The following TRPC1 variants were observed in gnomAD, a reference collection of about 807,000 sequenced individuals.
TRPC1 encodes short transient receptor potential channel 1.
TRPC1 carries 42 observed loss-of-function variants against 88.2 expected under a neutral mutation model. That is an observed-to-expected ratio of 0.48 (90% CI 0.37 to 0.62). The LOEUF is 0.62. Ranked by LOEUF, TRPC1 falls within the 20% of genes least tolerant of loss-of-function variation. TRPC1 has a pLI of 0.00. For synonymous variants in TRPC1, 288 were observed against 331.8 expected (o/e 0.87, Z 1.43); for missense variants, 699 against 957.3 (o/e 0.73, Z 3.56).
chr3:142,789,946 CAATT>C (rs1936246271), intron 7 of TRPC1, among the ~76,000 whole-genome samples: 2 of 152,142 alleles, frequency 1.3e-5, no homozygotes, highest in South Asian at 2.1e-4. Flanking sequence ...GAAAGATAAT[CAATT>C]AATAATAGAC....
chr3:142,767,088 T>C lies in TRPC1; in HGVS notation c.633-10544T>C, dbSNP rs2108087501. Among the ~76,000 whole-genome samples the C allele has an allele frequency of 6.6e-6, 1 of 152,320 alleles. No homozygotes were observed. Among genetic ancestry groups the C allele is most frequent in the Non-Finnish European group, 1.5e-5 (1 of 68,022 alleles). On this transcript the variant is annotated intron_variant, in intron 4 of 12. Coordinates refer to ENST00000476941, the MANE Select transcript of TRPC1 (RefSeq NM_001251845.2). The surrounding 1 kb of genome is among the most constrained non-coding windows in gnomAD (Gnocchi z 5.1). The stretch of plus-strand genomic sequence containing the variant: ...AATTATCCAACCATTGAACATGGTA[T>C]ATCTCTCCATTTAATAGGTTTCATT...
Position 142,802,319 on chromosome 3 carries a change from C to A in TRPC1, c.1732C>A (p.Gln578Lys). Residue 578 changes from glutamine to lysine, a missense_variant, in exon 10 of 13, where the codon CAG (glutamine) becomes AAG (lysine). By Grantham distance (53) the Gln-to-Lys change is moderately conservative. Transcript: ENST00000476941. ...QKDCVGIFCE[Q>K]QSNDTFHSFI... ...GGACTGTGTAGGCATCTTCTGTGAA[C>A]AGCAAAGCAATGATACCTTCCATTC... 6.7e-7 allele frequency: 1 copy of A among 1,481,540 alleles called. No individual in the cohort carries two copies. The highest frequency in any genetic ancestry group is 1.6e-5 in the South Asian group (1 of 63,952). 91.8% of individuals were successfully genotyped at this position (1,481,540 alleles called of 1,614,324 possible).
intron 9 of TRPC1, among the ~76,000 whole-genome samples, chr3:142,799,113 C>T (rs72990750): frequency 6.6e-6 from 1 of 152,040 alleles, no homozygotes; most frequent in Non-Finnish European, 1.5e-5. Context: ...ACATTAATAG[C>T]ATTTGGTGCT....
chr3:142,780,940 AGT>A lies in TRPC1; in HGVS notation c.873_874del (p.Ser291ArgfsTer5). On this transcript the variant is annotated frameshift_variant, in exon 6 of 13. Coordinates refer to ENST00000476941, the MANE Select transcript of TRPC1 (RefSeq NM_001251845.2). LOFTEE classifies it high-confidence loss of function. Reference sequence around the variant, plus strand: ...GGAAGTTATTCTAAACCATACGTCTAGTGACGAGCCTCTTGACAAACGGGGAT... The same window carrying A: ...GGAAGTTATTCTAAACCATACGTCTAGACGAGCCTCTTGACAAACGGGGAT... ...ELEVILNHTS[S>X]DEPLDKRGLL... 6.2e-7 allele frequency: 1 copy of A among 1,613,996 alleles called. No individual in the cohort carries two copies. Among genetic ancestry groups the A allele is most frequent in the Non-Finnish European group, 8.5e-7 (1 of 1,179,882 alleles).
rs541450466 is a variant in TRPC1 at position 142,743,628 on chromosome 3, A to G, written c.429+42A>G. 3.7e-5 allele frequency: 48 copies of G among 1,297,038 alleles called. No individual in the cohort carries two copies. In the Admixed American group the frequency reaches 5.1e-4, roughly 14 times the overall value. The allele number at this position is 1,297,038 out of a possible 1,614,324, so 80.3% of individuals were successfully genotyped here. ...ATTTATTAATTTGGATTTTTAAACC[A>G]AAATAGATCTCTTGCCCCATTGCCA... On this transcript the variant is annotated intron_variant, in intron 3 of 12. Transcript: ENST00000476941.
intron 2 of TRPC1, among the ~76,000 whole-genome samples, chr3:142,741,777 T>G (rs921615788): frequency 6.6e-6 from 1 of 152,232 alleles, no homozygotes; most frequent in Admixed American, 6.5e-5. Context: ...TTGCTGTTTT[T>G]AAATCCATGG....
intron 7 of TRPC1, among the ~76,000 whole-genome samples, chr3:142,787,059 C>T (rs1046619877): frequency 6.6e-6 from 1 of 152,138 alleles, no homozygotes; most frequent in Admixed American, 6.5e-5. Context: ...TGATATTACA[C>T]GTATATATAC....
Position 142,784,953 on chromosome 3 carries a change from T to C in TRPC1, c.1210T>C (p.Tyr404His). The change falls in exon 7 of 13, where the codon TAC (tyrosine) becomes CAC (histidine). Residue 404 changes from tyrosine (Y) to histidine (H), a missense_variant. Tyr to His is a moderately conservative substitution (Grantham distance 83, BLOSUM62 2). Coordinates refer to ENST00000476941, the MANE Select transcript of TRPC1 (RefSeq NM_001251845.2). ...CACATTTCTGCTGTTGCTTAATCTA[T>C]ACTCTCTTGTCTACAATGAGGATAA... is the stretch of plus-strand genomic sequence containing the variant. ...YFTFLLLLNL[Y>H]SLVYNEDKKN... The C allele has an allele frequency of 1.9e-6, 3 of 1,614,002 alleles. No homozygotes were observed. Among genetic ancestry groups the C allele is most frequent in the Non-Finnish European group, 2.5e-6 (3 of 1,179,984 alleles).
chr3:142,779,357 C>T (rs1013324778), intron 5 of TRPC1, among the ~76,000 whole-genome samples: 3 of 152,122 alleles, frequency 2.0e-5, no homozygotes, highest in African/African-American at 4.8e-5. Context: ...TATACAGCCA[C>T]TTATTTGTCT....
At chr3:142,801,171 T>C (rs1319693334) in intron 9 of TRPC1, 8 of 152,162 alleles carry the variant, frequency 5.3e-5, no homozygotes, top group Admixed American at 5.2e-4. Flanking sequence ...CTAGCACATG[T>C]AGATGTTCTT....
chr3:142,779,402 G>A (rs547760980), intron 5 of TRPC1, among the ~76,000 whole-genome samples: 5 of 152,234 alleles, frequency 3.3e-5, no homozygotes, highest in Admixed American at 6.5e-5. Flanking sequence ...AGATTAATAA[G>A]ATGTATAAAT....
At chr3:142,732,347 C>T (rs758244692) in intron 1 of TRPC1, among the ~76,000 whole-genome samples, 6 of 152,044 alleles carry the variant, frequency 3.9e-5, no homozygotes, top group Non-Finnish European at 7.4e-5. Context: ...TGAGTTTTCT[C>T]GGGCAGGCAT....
chr3:142,760,360 C>T (rs767999215), intron 4 of TRPC1, among the ~76,000 whole-genome samples: 9 of 152,130 alleles, frequency 5.9e-5, no homozygotes, highest in Non-Finnish European at 1.2e-4. Flanking sequence ...AAAATATGTT[C>T]TCGGCACCTT....
chr3:142,745,238 C>A (rs7622773), intron 3 of TRPC1, among the ~76,000 whole-genome samples: 4,418 of 152,284 alleles, frequency 0.029, 230 homozygotes, highest in African/African-American at 0.1. Flanking sequence ...TTTGGCACAC[C>A]TGTCCCATCT....
rs1011149491 is a variant in TRPC1 at position 142,736,320 on chromosome 3, C to T, written c.173-59C>T. Reference sequence around the variant, plus strand: ...ATTCAACAAGCTAAGTTTTTCTTTACAGTCATCCTTACTTGATATGTCACG... The same window carrying T: ...ATTCAACAAGCTAAGTTTTTCTTTATAGTCATCCTTACTTGATATGTCACG... On this transcript the variant is annotated intron_variant, in intron 1 of 12. Transcript: ENST00000476941. The T allele has an allele frequency of 5.3e-6, 7 of 1,316,618 alleles. No homozygotes were observed. The African/African-American group carries it at 6.0e-5, about 11-fold the overall frequency. The allele number at this position is 1,316,618 out of a possible 1,614,324, so 81.6% of individuals were successfully genotyped here. A position where few individuals can be genotyped will look rare whatever the true frequency, so the allele number is the denominator to read the frequency against.
In TRPC1 at chr3:142,803,961, G is replaced by C. The variant is rs1191718268; in HGVS notation, c.1758-16G>C. 4 of 1,609,714 alleles carry C rather than the reference G, an allele frequency of 2.5e-6. No homozygotes were observed. In the South Asian group the frequency reaches 4.4e-5, roughly 18 times the overall value. On this transcript the variant is annotated splice_polypyrimidine_tract_variant and intron_variant, in intron 10 of 12. Coordinates refer to ENST00000476941, the MANE Select transcript of TRPC1 (RefSeq NM_001251845.2). ...CTTTAATTGCCTTTTAAACAGAAAT[G>C]CAATTGTCTTTACAGGTTCATTGGC...
intron 4 of TRPC1, among the ~76,000 whole-genome samples, chr3:142,774,189 T>C (rs1172735586): frequency 6.6e-6 from 1 of 152,254 alleles, no homozygotes; most frequent in Non-Finnish European, 1.5e-5. Flanking sequence ...AGTTGGGGAA[T>C]GCATTTGAAG....
At chr3:142,779,825 T>C (rs1306857950) in intron 5 of TRPC1, among the ~76,000 whole-genome samples, 1 of 152,060 alleles carries the variant, frequency 6.6e-6, no homozygotes, top group South Asian at 2.1e-4. Flanking sequence ...CATTCTTAAG[T>C]TATGATTAAG....
chr3:142,785,376 G>T, intron 7 of TRPC1: 1 of 177,968 alleles, frequency 5.6e-6, no homozygotes, highest in Non-Finnish European at 1.2e-5. Flanking sequence ...AGAATATGAA[G>T]TTTTCTTAGG....
Sources: gnomAD v4.1 joint callset for allele counts (sites outside exome capture counted in the v4.1 genomes callset) on GRCh38, gnomAD v4.1.1 for gene constraint, Gnocchi (gnomAD v3.1) non-coding constraint, MANE v1.5 for transcripts, NCBI Gene and HGNC (gene_info 2026-07-23, HGNC 2026-07-21) for gene names.